The following FHIT variants were observed in gnomAD, a reference collection of about 807,000 sequenced individuals.
FHIT encodes the protein bis(5'-adenosyl)-triphosphatase.
In FHIT, 19 loss-of-function variants were observed where a neutral mutation model predicts 17.9. The ratio of observed to expected loss-of-function variants is 1.06; its 90% confidence interval spans 0.74 to 1.56. The LOEUF is 1.56. Ranked by LOEUF, FHIT falls within the 40% of genes most tolerant of loss-of-function variation. The pLI is 0.00. For missense variants in FHIT, 248 were observed against 189.2 expected, an observed-to-expected ratio of 1.31 and a Z score of -1.82; for synonymous variants, 81 against 69.7, an observed-to-expected ratio of 1.16 and a Z score of -0.81.
intron 5 of FHIT, among the ~76,000 whole-genome samples, chr3:60,524,192 C>A (rs2035484096): frequency 7.2e-6 from 1 of 139,762 alleles, no homozygotes. Flanking sequence ...TTCTAGTCAG[C>A]CTGAGACACA....
At position 59,925,588 on chromosome 3, in the gene FHIT, C is replaced by T. The variant is rs564695102; in HGVS notation, c.280-3174G>A. Among the ~76,000 whole-genome samples the T allele has an allele frequency of 1.3e-3, 192 of 152,230 alleles. 1 individual carries two copies. The highest frequency in any genetic ancestry group is 1.3e-3 in the Non-Finnish European group (87 of 68,020). On this transcript the variant is annotated intron_variant, in intron 7 of 9. Transcript: ENST00000492590. ...CTACTATTCTTTACCCTCGTCTTCT[C>T]GATTTAGTTCAGGGCTATCTCTATA...
intron 8 of FHIT, among the ~76,000 whole-genome samples, chr3:59,766,857 C>G (rs1426581435): frequency 6.6e-6 from 1 of 152,128 alleles, no homozygotes; most frequent in Non-Finnish European, 1.5e-5. Flanking sequence ...GCTCCTTTCT[C>G]TCTTTTTGAT....
chr3:61,110,160 C>A (rs75771742), intron 2 of FHIT, among the ~76,000 whole-genome samples: 14,888 of 152,196 alleles, frequency 0.098, 784 homozygotes, highest in South Asian at 0.19. Context: ...CCACAAGGTC[C>A]CTCACGCTCT....
intron 5 of FHIT, among the ~76,000 whole-genome samples, chr3:60,490,169 C>G (rs1280623834): frequency 6.6e-6 from 1 of 151,890 alleles, no homozygotes; most frequent in Non-Finnish European, 1.5e-5. Context: ...TTTTTATAAG[C>G]CACAAACATG....
At chr3:61,151,429 T>C (rs2037385253) in intron 2 of FHIT, among the ~76,000 whole-genome samples, 1 of 152,188 alleles carries the variant, frequency 6.6e-6, no homozygotes, top group Non-Finnish European at 1.5e-5. Flanking sequence ...CTACTTCAAC[T>C]AAGGTTATTT....
chr3:60,802,432 G>A (rs1701224753), intron 4 of FHIT, among the ~76,000 whole-genome samples: 1 of 152,044 alleles, frequency 6.6e-6, no homozygotes, highest in Non-Finnish European at 1.5e-5. Context: ...GCTCATTATT[G>A]GCTCTTATTC....
At chr3:60,232,774 G>C (rs981136976) in intron 5 of FHIT, among the ~76,000 whole-genome samples, 1 of 152,138 alleles carries the variant, frequency 6.6e-6, no homozygotes, top group Non-Finnish European at 1.5e-5. Flanking sequence ...TGATCTCCTG[G>C]CTTCCACTCC....
intron 7 of FHIT, among the ~76,000 whole-genome samples, chr3:59,986,237 C>G (rs1708894818): frequency 6.6e-6 from 1 of 151,740 alleles, no homozygotes; most frequent in Non-Finnish European, 1.5e-5. Context: ...TTTCCCACAT[C>G]CTTAAGATAA....
chr3:61,009,956 G>T (rs1414310853), intron 3 of FHIT, among the ~76,000 whole-genome samples: 1 of 152,050 alleles, frequency 6.6e-6, no homozygotes, highest in Non-Finnish European at 1.5e-5. Context: ...TGATATTTTA[G>T]ACCTACCCTA....
intron 8 of FHIT, among the ~76,000 whole-genome samples, chr3:59,797,348 G>C (rs560443883): frequency 1.5e-3 from 228 of 152,102 alleles, no homozygotes; most frequent in South Asian, 8.3e-3. Context: ...CACCATGCCT[G>C]GCTAATTTTT....
At chr3:60,553,341 G>T in intron 4 of FHIT, 1 of 931,778 alleles carries the variant, frequency 1.1e-6, no homozygotes, top group Non-Finnish European at 1.3e-6. Flanking sequence ...TATGACTCAA[G>T]TGAGGACTTG....
chr3:60,924,116 G>C (rs1707445822), intron 3 of FHIT, among the ~76,000 whole-genome samples: 1 of 152,230 alleles, frequency 6.6e-6, no homozygotes, highest in African/African-American at 2.4e-5. Context: ...TGCCTCTGTA[G>C]ACTCCACCTC....
At chr3:59,979,259 C>G (rs1053977884) in intron 7 of FHIT, among the ~76,000 whole-genome samples, 1 of 152,118 alleles carries the variant, frequency 6.6e-6, no homozygotes, top group Non-Finnish European at 1.5e-5. Flanking sequence ...AGAAGCATGG[C>G]AGAATTTTAG....
intron 8 of FHIT, among the ~76,000 whole-genome samples, chr3:59,830,968 C>T (rs1263746332): frequency 6.6e-6 from 1 of 152,144 alleles, no homozygotes; most frequent in East Asian, 1.9e-4. Flanking sequence ...TATTTAAGAC[C>T]AGGCATTCTG....
At chr3:60,236,502 T>A (rs1704803925) in intron 5 of FHIT, among the ~76,000 whole-genome samples, 1 of 152,082 alleles carries the variant, frequency 6.6e-6, no homozygotes, top group Non-Finnish European at 1.5e-5. Context: ...TTAAACACTG[T>A]TAAAATTTCA....
At chr3:60,515,094 C>T (rs945438462) in intron 5 of FHIT, among the ~76,000 whole-genome samples, 4 of 151,980 alleles carry the variant, frequency 2.6e-5, no homozygotes, top group Admixed American at 1.3e-4. Flanking sequence ...AACAGGCAGG[C>T]GCGGAGTGGT....
At chr3:60,933,981 G>C (rs1285179136) in intron 3 of FHIT, among the ~76,000 whole-genome samples, 1 of 152,152 alleles carries the variant, frequency 6.6e-6, no homozygotes, top group East Asian at 1.9e-4. Context: ...GCTTGTGGAA[G>C]GGCATGGAAT....
At chr3:60,770,525 A>T (rs1700009346) in intron 4 of FHIT, among the ~76,000 whole-genome samples, 1 of 152,170 alleles carries the variant, frequency 6.6e-6, no homozygotes, top group East Asian at 1.9e-4. Context: ...AATGAGGAAA[A>T]ACAGGCTATG....
chr3:60,976,194 C>T (rs956789399), intron 3 of FHIT, among the ~76,000 whole-genome samples: 2 of 140,174 alleles, frequency 1.4e-5, no homozygotes, highest in Non-Finnish European at 3.0e-5. Context: ...GCAACCTCTA[C>T]CTCCTGGGTT....
Sources: gnomAD v4.1 joint callset for allele counts (sites outside exome capture counted in the v4.1 genomes callset) on GRCh38, gnomAD v4.1.1 for gene constraint, MANE v1.5 for transcripts, NCBI Gene and HGNC (gene_info 2026-07-23, HGNC 2026-07-21) for gene names.